Variants in PDE3B observed in about 807,000 individuals in gnomAD.
The protein encoded by PDE3B is phosphodiesterase 3B.
Under a neutral mutation model 116.8 loss-of-function variants are expected in PDE3B, and 66 were observed. The ratio of observed to expected loss-of-function variants is 0.56; its 90% CI spans 0.46 to 0.69. The LOEUF is 0.69. PDE3B is among the 30% of genes least tolerant of loss of function. PDE3B has a pLI of 0.00. For missense variants in PDE3B, 1,384 were observed against 1,368.1 expected, an observed-to-expected ratio of 1.01 and a Z score of -0.18; for synonymous variants, 595 against 533.6, an observed-to-expected ratio of 1.12 and a Z score of -1.59.
intron 11 of PDE3B, among the ~76,000 whole-genome samples, chr11:14,841,541 G>T (rs113255079): frequency 0.022 from 3,215 of 148,904 alleles, 53 homozygotes; most frequent in South Asian, 0.033. Context: ...TATTCCGTGG[G>T]TTTATGCACA....
chr11:14,869,054 G>A (rs1480269490), intron 15 of PDE3B, among the ~76,000 whole-genome samples: 1 of 151,988 alleles, frequency 6.6e-6, no homozygotes, highest in Non-Finnish European at 1.5e-5. Flanking sequence ...CAAAATGTTG[G>A]TAATTGTGTT....
rs1180330537 is a variant in PDE3B at position 14,869,745 on chromosome 11, G to A, written c.*85G>A. 1.4e-5 allele frequency: 15 copies of A among 1,104,244 alleles called. No individual in the cohort carries two copies. The highest frequency in any genetic ancestry group is 7.8e-5 in the African/African-American group (5 of 63,920). The allele number at this position is 1,104,244 out of a possible 1,614,324, so 68.4% of individuals were successfully genotyped here. On this transcript the variant is annotated 3_prime_UTR_variant, in exon 16 of 16. Transcript: ENST00000282096. ...CAGAAATCATTGCCTAGTGTTCACC[G>A]GCTGACTCTCAACTGACCATTCCCA...
chr11:14,872,177 C>G (rs1848150769), downstream of PDE3B: 1 of 152,056 alleles, frequency 6.6e-6, no homozygotes, highest in African/African-American at 2.4e-5. Flanking sequence ...TTCTCTGTAT[C>G]TAGATTGCAT....
chr11:14,851,323 G>T (rs1455397048), intron 12 of PDE3B, among the ~76,000 whole-genome samples: 1 of 151,864 alleles, frequency 6.6e-6, no homozygotes, highest in African/African-American at 2.4e-5. Flanking sequence ...TTTAAACCTT[G>T]GCTCTGATCC....
the PDE3B span, among the ~76,000 whole-genome samples, chr11:14,896,121 C>T: frequency 6.6e-6 from 1 of 152,342 alleles, no homozygotes; most frequent in South Asian, 2.1e-4. Flanking sequence ...CTTGCCACTT[C>T]CTCCCATCCA....
chr11:14,774,897 T>A (rs2133901304), intron 2 of PDE3B: 1 of 152,366 alleles, frequency 6.6e-6, no homozygotes, highest in South Asian at 2.1e-4. Flanking sequence ...TCATTTACTC[T>A]GTTCCAGCTG....
chr11:14,844,853 C>T (rs1847558974), intron 12 of PDE3B, among the ~76,000 whole-genome samples: 1 of 152,232 alleles, frequency 6.6e-6, no homozygotes, highest in South Asian at 2.1e-4. Context: ...CTGGGTGGAG[C>T]CAACCACAGC....
At chr11:14,797,005 T>C (rs1293406943) in intron 4 of PDE3B, among the ~76,000 whole-genome samples, 1 of 152,202 alleles carries the variant, frequency 6.6e-6, no homozygotes, top group Non-Finnish European at 1.5e-5. Context: ...AGGTCTTACG[T>C]TTAAGTCTTT....
chr11:14,666,367 G>T (rs940081060), intron 1 of PDE3B, among the ~76,000 whole-genome samples: 2 of 151,702 alleles, frequency 1.3e-5, no homozygotes, highest in African/African-American at 4.9e-5. Flanking sequence ...CAGGACATAG[G>T]CATGGGCAAG....
At chr11:14,666,812 A>G in intron 1 of PDE3B, among the ~76,000 whole-genome samples, 1 of 152,218 alleles carries the variant, frequency 6.6e-6, no homozygotes, top group Non-Finnish European at 1.5e-5. Context: ...GTGGAGAAAT[A>G]GGAACACTTT....
At chr11:14,675,835 G>A (rs1266971320) in intron 1 of PDE3B, among the ~76,000 whole-genome samples, 7 of 151,958 alleles carry the variant, frequency 4.6e-5, no homozygotes, top group Non-Finnish European at 1.0e-4. Context: ...TATGAATTAG[G>A]CTGCTCTGAG....
chr11:14,749,085 T>G (rs550944698), intron 1 of PDE3B, among the ~76,000 whole-genome samples: 1 of 152,178 alleles, frequency 6.6e-6, no homozygotes, highest in Non-Finnish European at 1.5e-5. Flanking sequence ...TTCGGGGTTT[T>G]GCCATGTTGC....
At chr11:14,679,002 G>A (rs925127817) in intron 1 of PDE3B, among the ~76,000 whole-genome samples, 2 of 152,034 alleles carry the variant, frequency 1.3e-5, no homozygotes, top group Non-Finnish European at 2.9e-5. Context: ...ATCATTTGTT[G>A]TGTACTCTCC....
At chr11:14,686,111 A>C (rs1373164293) in intron 1 of PDE3B, among the ~76,000 whole-genome samples, 1 of 152,136 alleles carries the variant, frequency 6.6e-6, no homozygotes, top group Non-Finnish European at 1.5e-5. Context: ...CTAAGTTTTT[A>C]CCTAACTTCT....
intron 1 of PDE3B, among the ~76,000 whole-genome samples, chr11:14,745,008 A>G (rs1360307646): frequency 6.6e-6 from 1 of 152,044 alleles, no homozygotes; most frequent in Admixed American, 6.5e-5. Flanking sequence ...TTTATTTTAT[A>G]GAGACAGGGT....
the PDE3B span, among the ~76,000 whole-genome samples, chr11:14,878,870 C>T: frequency 3.9e-5 from 6 of 152,012 alleles, no homozygotes; most frequent in African/African-American, 9.7e-5. Context: ...TTTTGAAAAA[C>T]AGATTTAGAA....
At position 14,830,751 on chromosome 11, in the gene PDE3B, CAAG is replaced by C. The variant is rs765860542; in HGVS notation, c.1866_1868del (p.Glu624del). 26 of 1,510,686 alleles carry C rather than the reference CAAG, an allele frequency of 1.7e-5. No individual in the cohort carries two copies. The highest frequency in any genetic ancestry group is 1.2e-4 in the Admixed American group (5 of 41,454). The allele number at this position is 1,510,686 out of a possible 1,614,324, so 93.6% of individuals were successfully genotyped here. A position where few individuals can be genotyped will look rare whatever the true frequency, so the allele number is the denominator to read the frequency against. The stretch of plus-strand genomic sequence containing the variant: ...ATCATTCAAACTTATGGAAACTCAA[CAAG>C]AAGAGGAAACAGAGAAGAAAGACAG... On this transcript the variant is annotated inframe_deletion, in exon 8 of 16. Coordinates refer to ENST00000282096, the MANE Select transcript of PDE3B (RefSeq NM_000922.4).
the PDE3B span, chr11:14,891,932 C>A: frequency 1.3e-6 from 2 of 1,592,992 alleles, no homozygotes; most frequent in Non-Finnish European, 1.7e-6. Context: ...CCTGGCCAGC[C>A]CGGGCCAGCC....
At chr11:14,820,757 C>G (rs1859493609) in intron 7 of PDE3B, among the ~76,000 whole-genome samples, 1 of 152,106 alleles carries the variant, frequency 6.6e-6, no homozygotes, top group South Asian at 2.1e-4. Flanking sequence ...ACCCTCTTTC[C>G]CACCGTGTGA....
Sources: gnomAD v4.1 joint callset for allele counts (sites outside exome capture counted in the v4.1 genomes callset) on GRCh38, gnomAD v4.1.1 for gene constraint, MANE v1.5 for transcripts, NCBI Gene and HGNC (gene_info 2026-07-23, HGNC 2026-07-21) for gene names.